Variants in CCNY observed in about 807,000 individuals in gnomAD.
CCNY encodes the protein cyclin Y, also known as cyclin-Y.
A neutral mutation model predicts 42.8 loss-of-function variants in CCNY; 19 were observed. The observed-to-expected ratio is 0.44, with a 90% CI of 0.31 to 0.65. The LOEUF (loss-of-function observed/expected upper bound fraction) is 0.65, where lower values mean the gene tolerates loss of function less well. Ranked by LOEUF, CCNY falls within the 30% of genes least tolerant of loss-of-function variation. CCNY has a pLI of 0.07. For synonymous variants in CCNY, 165 were observed against 162.7 expected (o/e 1.01, Z -0.11); for missense variants, 370 against 437.3 (o/e 0.85, Z 1.37).
chr10:35,267,716 A>G (rs1379618081), intron 3 of CCNY, among the ~76,000 whole-genome samples: 1 of 152,166 alleles, frequency 6.6e-6, no homozygotes, highest in Non-Finnish European at 1.5e-5. Context: ...AACTAATAAA[A>G]AGGACAGTGT....
intron 1 of CCNY, among the ~76,000 whole-genome samples, chr10:35,478,721 A>C (rs1189413606): frequency 6.6e-6 from 1 of 152,232 alleles, no homozygotes; most frequent in Non-Finnish European, 1.5e-5. Flanking sequence ...TTCAGGACAT[A>C]GGCATGGGCA....
intron 3 of CCNY, among the ~76,000 whole-genome samples, chr10:35,295,452 G>A (rs1048900367): frequency 6.6e-6 from 1 of 151,890 alleles, no homozygotes; most frequent in Non-Finnish European, 1.5e-5. Flanking sequence ...GGCTGGTCTT[G>A]AACTCCGAAC....
chr10:35,283,735 G>A (rs898021031), intron 3 of CCNY, among the ~76,000 whole-genome samples: 3 of 152,112 alleles, frequency 2.0e-5, no homozygotes, highest in Non-Finnish European at 4.4e-5. Flanking sequence ...GGTAATGGAC[G>A]CCGTAACCAC....
chr10:35,517,171 C>A (rs996664910), intron 4 of CCNY, among the ~76,000 whole-genome samples: 1 of 152,000 alleles, frequency 6.6e-6, no homozygotes, highest in Admixed American at 6.6e-5. Flanking sequence ...TTCTGTGGGG[C>A]CTTTAATTCC....
chr10:35,303,295 C>G (rs910146475), intron 3 of CCNY, among the ~76,000 whole-genome samples: 1 of 151,844 alleles, frequency 6.6e-6, no homozygotes, highest in African/African-American at 2.4e-5. Context: ...ATTCTCCTGC[C>G]TCAGCCTCCC....
intron 1 of CCNY, among the ~76,000 whole-genome samples, chr10:35,462,339 G>A (rs144889719): frequency 2.5e-4 from 38 of 152,300 alleles, no homozygotes; most frequent in South Asian, 8.3e-4. Context: ...ACTGGATAGT[G>A]TATCCGCTCC....
chr10:35,428,014 C>T (rs537946626), intron 1 of CCNY, among the ~76,000 whole-genome samples: 1 of 152,144 alleles, frequency 6.6e-6, no homozygotes, highest in East Asian at 1.9e-4. Context: ...TAAATTGGAC[C>T]GACTATCTTT....
intron 3 of CCNY, among the ~76,000 whole-genome samples, chr10:35,271,063 C>T (rs1835162088): frequency 6.6e-6 from 1 of 152,102 alleles, no homozygotes; most frequent in Non-Finnish European, 1.5e-5. Flanking sequence ...ATAACAGTTT[C>T]TGGCCTGACA....
upstream of CCNY, among the ~76,000 whole-genome samples, chr10:35,331,985 A>G (rs1835949414): frequency 6.6e-6 from 1 of 152,214 alleles, no homozygotes; most frequent in South Asian, 2.1e-4. Flanking sequence ...TGCCTGGCTC[A>G]GTATACTCTC....
chr10:35,352,746 C>T (rs1836455477), intron 1 of CCNY, among the ~76,000 whole-genome samples: 1 of 151,992 alleles, frequency 6.6e-6, no homozygotes, highest in African/African-American at 2.4e-5. Context: ...ACACCAGAGT[C>T]CCCTGGATGG....
chr10:35,557,029 A>G (rs1401565455), intron 8 of CCNY, among the ~76,000 whole-genome samples: 1 of 151,978 alleles, frequency 6.6e-6, no homozygotes, highest in Non-Finnish European at 1.5e-5. Flanking sequence ...TATTTTTAGT[A>G]CAGATGGGGT....
At chr10:35,517,065 C>T (rs1840445518) in intron 4 of CCNY, among the ~76,000 whole-genome samples, 1 of 152,108 alleles carries the variant, frequency 6.6e-6, no homozygotes, top group South Asian at 2.1e-4. Flanking sequence ...AGTAGAAAGC[C>T]TGCCTGGCCT....
intron 1 of CCNY, among the ~76,000 whole-genome samples, chr10:35,430,046 A>G (rs1838351087): frequency 1.3e-5 from 2 of 152,166 alleles, no homozygotes; most frequent in African/African-American, 4.8e-5. Context: ...ACAAAAAAAA[A>G]GTGATGAGAT....
intron 3 of CCNY, among the ~76,000 whole-genome samples, chr10:35,508,436 A>G (rs780155546): frequency 1.3e-5 from 2 of 152,196 alleles, no homozygotes; most frequent in Non-Finnish European, 2.9e-5. Context: ...GCTTTCTGGC[A>G]CAATAAGATA....
chr10:35,475,725 A>G (rs1476857146), intron 1 of CCNY, among the ~76,000 whole-genome samples: 1 of 150,918 alleles, frequency 6.6e-6, no homozygotes, highest in Non-Finnish European at 1.5e-5. Context: ...AAGAAACTGC[A>G]TCAACTAACG....
intron 1 of CCNY, among the ~76,000 whole-genome samples, chr10:35,371,000 C>G (rs996041028): frequency 6.6e-6 from 1 of 152,238 alleles, no homozygotes; most frequent in Non-Finnish European, 1.5e-5. Flanking sequence ...GAGGCGTGAG[C>G]CACTGCACCT....
chr10:35,398,203 C>A (rs79159167), intron 1 of CCNY, among the ~76,000 whole-genome samples: 1 of 152,164 alleles, frequency 6.6e-6, no homozygotes, highest in Non-Finnish European at 1.5e-5. Flanking sequence ...CCTAGGGCCC[C>A]GACTGTGGGC....
At chr10:35,519,824 G>T (rs1262100806) in intron 4 of CCNY, among the ~76,000 whole-genome samples, 4 of 124,666 alleles carry the variant, frequency 3.2e-5, no homozygotes, top group African/African-American at 1.3e-4. Flanking sequence ...CTGTCCCCAG[G>T]CTGGAGTGCA....
chr10:35,339,039 C>G (rs771414256), intron 1 of CCNY, among the ~76,000 whole-genome samples: 5 of 152,178 alleles, frequency 3.3e-5, no homozygotes, highest in Non-Finnish European at 5.9e-5. Context: ...TTTGCAGATT[C>G]AGGATAGTTT....
Sources: allele counts gnomAD v4.1 joint callset (sites outside exome capture counted in the v4.1 genomes callset), GRCh38; gene constraint gnomAD v4.1.1; transcripts MANE v1.5; gene names NCBI Gene and HGNC (gene_info 2026-07-23, HGNC 2026-07-21).